ZNF536: variants seen among roughly 807,000 people sequenced by gnomAD.
The protein encoded by ZNF536 is zinc finger protein 536.
In ZNF536, 13 loss-of-function variants were observed where a neutral mutation model predicts 84.5. The ratio of observed to expected loss-of-function variants is 0.15; its 90% CI spans 0.10 to 0.24. The LOEUF (loss-of-function observed/expected upper bound fraction) is 0.24, where lower values mean the gene tolerates loss of function less well. ZNF536 is among the 10% of genes least tolerant of loss of function. The probability of loss-of-function intolerance (pLI) is 1.00; values close to 1 mark genes in which losing one functional copy is unlikely to be tolerated. For synonymous variants in ZNF536, 811 were observed against 742.5 expected (o/e 1.09, Z -1.50); for missense variants, 1,536 against 1,747.5 (o/e 0.88, Z 2.16).
chr19:30,236,122 G>T (rs1377097090), intron 1 of ZNF536, among the ~76,000 whole-genome samples: 2 of 152,238 alleles, frequency 1.3e-5, no homozygotes, highest in African/African-American at 2.4e-5. Context: ...GAAGAAAAGC[G>T]GCCACATGCC....
chr19:30,230,773 A>G (rs1324320546), intron 1 of ZNF536, among the ~76,000 whole-genome samples: 1 of 152,208 alleles, frequency 6.6e-6, no homozygotes, highest in African/African-American at 2.4e-5. Flanking sequence ...GAGCCCATTC[A>G]AGTGAACTCT....
chr19:30,364,356 T>C (rs1376153491), intron 3 of ZNF536, among the ~76,000 whole-genome samples: 1 of 151,932 alleles, frequency 6.6e-6, no homozygotes, highest in Non-Finnish European at 1.5e-5. Context: ...GGAGACCCCA[T>C]CTCTACAAAA....
chr19:30,479,367 C>G (rs1412573167), intron 2 of ZNF536, among the ~76,000 whole-genome samples: 1 of 152,166 alleles, frequency 6.6e-6, no homozygotes, highest in Non-Finnish European at 1.5e-5. Context: ...CCAAATTCCA[C>G]CGGCTGAAAG....
At chr19:30,359,237 G>A (rs573134210) in intron 3 of ZNF536, among the ~76,000 whole-genome samples, 1 of 152,356 alleles carries the variant, frequency 6.6e-6, no homozygotes, top group Admixed American at 6.5e-5. Context: ...GCTGGGGCCT[G>A]TATTTGGTGA....
chr19:30,270,833 A>C (rs975325828), intron 1 of ZNF536, among the ~76,000 whole-genome samples: 2 of 151,580 alleles, frequency 1.3e-5, no homozygotes, highest in African/African-American at 4.9e-5. Context: ...AAGGATGGAG[A>C]CCATTTCATT....
At chr19:30,227,413 C>T (rs1229289538), upstream of ZNF536, among the ~76,000 whole-genome samples, 18 of 152,154 alleles carry the variant, frequency 1.2e-4, no homozygotes, top group Non-Finnish European at 2.5e-4. Context: ...GGGCTGGGGG[C>T]CGAGAAAGAG....
intron 3 of ZNF536, among the ~76,000 whole-genome samples, chr19:30,545,959 A>C (rs1396491243): frequency 6.6e-6 from 1 of 152,200 alleles, no homozygotes; most frequent in Non-Finnish European, 1.5e-5. Context: ...TCACCTCTGC[A>C]GGCTTTCATC....
rs1004093545 is a variant in ZNF536, at chr19:30,526,520, C to T, written c.2171-8327C>T. Reference sequence around the variant, plus strand: ...CGGGCGGATCACGAGGTCAGGAGATCGAGACCATCCCGGCTAAAACGGTGA... The same window carrying T: ...CGGGCGGATCACGAGGTCAGGAGATTGAGACCATCCCGGCTAAAACGGTGA... On this transcript the variant is annotated intron_variant, in intron 2 of 4. Coordinates refer to ENST00000355537, the MANE Select transcript of ZNF536 (RefSeq NM_014717.3). Among the ~76,000 whole-genome samples, 7 of 148,694 alleles carry T rather than the reference C, an allele frequency of 4.7e-5. 1 individual carries two copies. Among genetic ancestry groups the T allele is most frequent in the Non-Finnish European group, 9.1e-5 (6 of 65,916 alleles).
intron 1 of ZNF536, among the ~76,000 whole-genome samples, chr19:30,402,329 G>A (rs1034138503): frequency 2.0e-5 from 3 of 148,850 alleles, no homozygotes; most frequent in African/African-American, 7.4e-5. Context: ...TAGTGGAGGG[G>A]AAAAAAAAAG....
chr19:30,326,382 G>A (rs1263050265), intron 2 of ZNF536, among the ~76,000 whole-genome samples: 1 of 152,246 alleles, frequency 6.6e-6, no homozygotes, highest in Non-Finnish European at 1.5e-5. Context: ...GGGTGCGGGA[G>A]ACAGGGTGCT....
intron 2 of ZNF536, among the ~76,000 whole-genome samples, chr19:30,310,235 C>T (rs1220937768): frequency 2.0e-5 from 3 of 152,206 alleles, no homozygotes; most frequent in Non-Finnish European, 4.4e-5. Flanking sequence ...ACTGTTGCTT[C>T]CCCGTTTCAT....
At chr19:30,465,705 A>C (rs1293336231) in intron 2 of ZNF536, among the ~76,000 whole-genome samples, 1 of 151,784 alleles carries the variant, frequency 6.6e-6, no homozygotes, top group Non-Finnish European at 1.5e-5. Flanking sequence ...AGCCTGGCCA[A>C]CATGGCAAAA....
At chr19:30,421,420 C>T (rs567464316) in intron 1 of ZNF536, among the ~76,000 whole-genome samples, 2 of 152,252 alleles carry the variant, frequency 1.3e-5, no homozygotes, top group East Asian at 3.9e-4. Flanking sequence ...CAGGGTCTCA[C>T]TCTGTCACTC....
chr19:30,581,146 T>G (rs2046906319), intron 1 of ZNF536, among the ~76,000 whole-genome samples: 1 of 152,252 alleles, frequency 6.6e-6, no homozygotes. Flanking sequence ...AGTCAACTAA[T>G]AAGTTCAACT....
In ZNF536 at chr19:30,312,251, G is replaced by A. The variant is rs557266823; in HGVS notation, c.-120+28110G>A. 1.3e-3 allele frequency among the ~76,000 whole-genome samples: 198 copies of A among 152,162 alleles called. 1 individual carries two copies. Among genetic ancestry groups the A allele is most frequent in the African/African-American group, 4.6e-3 (190 of 41,506 alleles). On this transcript the variant is annotated intron_variant, in intron 2 of 5. Transcript: ENST00000585628. ...GCGAGGTGCATGTGACCTTAACTGT[G>A]GGGAGAAGAGAAGGTCTGTGGGCAC... is the stretch of plus-strand genomic sequence containing the variant.
intron 1 of ZNF536, among the ~76,000 whole-genome samples, chr19:30,655,980 A>G (rs2147509809): frequency 6.6e-6 from 1 of 152,258 alleles, no homozygotes; most frequent in African/African-American, 2.4e-5. Context: ...TTGAGGCTGC[A>G]GTGAGCTGGG....
intron 3 of ZNF536, among the ~76,000 whole-genome samples, chr19:30,543,971 T>C (rs1348625913): frequency 6.6e-6 from 1 of 152,174 alleles, no homozygotes; most frequent in Non-Finnish European, 1.5e-5. Context: ...CCTTCCCCTG[T>C]GCCCCTTGTT....
In ZNF536 at chr19:30,292,138, C is replaced by T. The variant is rs147520064; in HGVS notation, c.-120+7997C>T. 6.1e-3 allele frequency among the ~76,000 whole-genome samples: 921 copies of T among 152,164 alleles called. 20 individuals carry two copies. Among genetic ancestry groups the T allele is most frequent in the Non-Finnish European group, 5.6e-3 (379 of 68,020 alleles). On this transcript the variant is annotated intron_variant, in intron 2 of 5. Transcript: ENST00000585628. ...AGTGTTATATGCTTTATCTGTTTAACCTCCTCTCTAATCCATTTTGCAGAC... is the reference window on the plus strand; with the variant it reads ...AGTGTTATATGCTTTATCTGTTTAATCTCCTCTCTAATCCATTTTGCAGAC...
At chr19:30,644,964 A>G (rs1015844325) in intron 1 of ZNF536, among the ~76,000 whole-genome samples, 1 of 152,162 alleles carries the variant, frequency 6.6e-6, no homozygotes, top group Non-Finnish European at 1.5e-5. Context: ...CAATGGTTGA[A>G]CTAGCTTACA....
Sources: gnomAD v4.1 joint callset for allele counts (sites outside exome capture counted in the v4.1 genomes callset) on GRCh38, gnomAD v4.1.1 for gene constraint, MANE v1.5 for transcripts, NCBI Gene and HGNC (gene_info 2026-07-23, HGNC 2026-07-21) for gene names.